PFDN4: variants seen among roughly 807,000 people sequenced by gnomAD.
PFDN4 encodes prefoldin 4.
In PFDN4, 6 loss-of-function variants were observed where a neutral mutation model predicts 17.6. That is an observed-to-expected ratio of 0.34 (90% CI 0.19 to 0.67). The LOEUF is 0.67. Ranked by LOEUF, PFDN4 falls within the 30% of genes least tolerant of loss-of-function variation. PFDN4 has a pLI of 0.68. For synonymous variants in PFDN4, 48 were observed against 51.1 expected, an observed-to-expected ratio of 0.94 and a Z score of 0.26; for missense variants, 119 against 158.4, an observed-to-expected ratio of 0.75 and a Z score of 1.33.
At chr20:54,211,525 G>A (rs538570663) in intron 1 of PFDN4, among the ~76,000 whole-genome samples, 1 of 152,306 alleles carries the variant, frequency 6.6e-6, no homozygotes, top group Admixed American at 6.5e-5. Context: ...AACCCTATAA[G>A]GTAGGAACTA....
Position 54,219,417 on chromosome 20 carries a change from AT to A in PFDN4, c.*268del, listed in dbSNP as rs1441613524. 8.2e-6 allele frequency: 3 copies of A among 365,314 alleles called. No individual in the cohort carries two copies. The highest frequency in any genetic ancestry group is 1.4e-5 in the Non-Finnish European group (3 of 209,812). 22.6% of individuals were successfully genotyped at this position (365,314 alleles called of 1,614,324 possible). The stretch of plus-strand genomic sequence containing the variant: ...ATTAAAATCAGTTAAGCAATCTTTT[AT>A]GTTTCTATATTATTTAGAATATTTG... On this transcript the variant is annotated 3_prime_UTR_variant, in exon 4 of 4. Coordinates refer to ENST00000371419, the MANE Select transcript of PFDN4 (RefSeq NM_002623.4).
chr20:54,208,672 C>G (rs1420160068), intron 1 of PFDN4: 1 of 152,640 alleles, frequency 6.6e-6, no homozygotes, highest in Non-Finnish European at 1.5e-5. Flanking sequence ...GACCCTGTGT[C>G]CAACCTGGAG....
chr20:54,218,152 C>G (rs1475312501), intron 3 of PFDN4, among the ~76,000 whole-genome samples: 1 of 145,952 alleles, frequency 6.9e-6, no homozygotes, highest in Non-Finnish European at 1.5e-5. Flanking sequence ...TTGTTTTGAT[C>G]CTAGCCAGGA....
chr20:54,214,305 T>TA, intron 1 of PFDN4, 46 bp from the exon 2 acceptor site: 1 of 985,888 alleles, frequency 1.0e-6, no homozygotes, highest in Non-Finnish European at 1.6e-6. Context: ...AGCTAACTGA[T>TA]AACTTCTCCG....
chr20:54,219,665 T>G lies in PFDN4; in HGVS notation c.*515T>G, dbSNP rs976055691. On this transcript the variant is annotated 3_prime_UTR_variant, in exon 4 of 4. Coordinates refer to ENST00000371419, the MANE Select transcript of PFDN4 (RefSeq NM_002623.4). ...TATATTTAAACATACATATTTAACA[T>G]TTTTTACATATCTATCAATATCAGA... 7.5e-4 allele frequency: 300 copies of G among 397,800 alleles called. 1 individual carries two copies. In the Middle Eastern group the frequency reaches 0.01, roughly 13 times the overall value. The allele number at this position is 397,800 out of a possible 1,614,324, so 24.6% of individuals were successfully genotyped here.
At chr20:54,213,248 G>T (rs1254522178) in intron 1 of PFDN4, among the ~76,000 whole-genome samples, 1 of 152,176 alleles carries the variant, frequency 6.6e-6, no homozygotes, top group African/African-American at 2.4e-5. Flanking sequence ...CTAGAATCAG[G>T]TGCTCTGGTT....
intron 3 of PFDN4, 49 bp downstream of exon 3, chr20:54,215,489 A>T (rs2092761393): frequency 8.2e-7 from 1 of 1,217,830 alleles, no homozygotes; most frequent in East Asian, 2.5e-5. Flanking sequence ...ACTATAAAGA[A>T]CATGTAATTA....
chr20:54,212,417 C>G (rs1156725713), intron 1 of PFDN4, among the ~76,000 whole-genome samples: 1 of 152,178 alleles, frequency 6.6e-6, no homozygotes, highest in Admixed American at 6.5e-5. Context: ...CTGTAAAGAT[C>G]TGGATACCAG....
At chr20:54,217,871 C>G (rs987648697) in intron 3 of PFDN4, among the ~76,000 whole-genome samples, 4 of 152,132 alleles carry the variant, frequency 2.6e-5, no homozygotes, top group African/African-American at 9.7e-5. Flanking sequence ...GAATCACAGT[C>G]ACCACAGGGC....
In PFDN4 at chr20:54,214,490, T is replaced by G. The variant is rs57614890; in HGVS notation, c.132+32T>G. The G allele has an allele frequency of 1.4e-3, 1,420 of 1,003,298 alleles. 4 individuals are homozygous for G. Among genetic ancestry groups the G allele is most frequent in the African/African-American group, 9.6e-3 (587 of 61,096 alleles). The allele number at this position is 1,003,298 out of a possible 1,614,324, so 62.1% of individuals were successfully genotyped here. ...AAAATAATTATTAGAAGAATAAAAT[T>G]TTTTTATACTATAGCTACTAAAACT... is the stretch of plus-strand genomic sequence containing the variant. On this transcript the variant is annotated intron_variant, in intron 2 of 3. Coordinates refer to ENST00000371419, the MANE Select transcript of PFDN4 (RefSeq NM_002623.4).
intron 1 of PFDN4, chr20:54,208,564 G>A (rs994950686): frequency 1.8e-5 from 3 of 162,478 alleles, no homozygotes; most frequent in African/African-American, 7.2e-5. Context: ...TACGGGTGAG[G>A]AAACTGAGGC....
rs2071448475 is a variant in PFDN4 at position 54,215,325 on chromosome 20, C to T, written c.158C>T (p.Ala53Val). Residue 53 changes from alanine (A) to valine (V), a missense_variant, in exon 3 of 4, where the codon GCT becomes GTT. Physicochemically the swap from Ala to Val is moderately conservative, Grantham distance 64. Around this residue, in one of 3 missense-constraint regions of PFDN4, gnomAD observed 81 missense variants for 111.7 expected, o/e 0.73. Transcript: ENST00000371419. ...KKKQLQNLED[A>V]CDDIMLADDD... The stretch of plus-strand genomic sequence containing the variant: ...AAACAACTCCAAAACCTAGAAGATG[C>T]TTGTGATGACATCATGCTTGCAGAT... The T allele has an allele frequency of 1.3e-6, 2 of 1,591,944 alleles. No homozygotes were observed. Among genetic ancestry groups the T allele is most frequent in the Admixed American group, 1.7e-5 (1 of 58,718 alleles).
intron 3 of PFDN4, among the ~76,000 whole-genome samples, chr20:54,216,247 C>A (rs1350063884): frequency 6.6e-6 from 1 of 152,136 alleles, no homozygotes; most frequent in African/African-American, 2.4e-5. Context: ...AGTTCACATG[C>A]CTTCTTACTA....
chr20:54,218,922 G>C (rs773776403), intron 3 of PFDN4, 97 bp from the exon 4 acceptor site: 1 of 766,136 alleles, frequency 1.3e-6, no homozygotes, highest in Non-Finnish European at 2.1e-6. Context: ...AGTTTAGAAG[G>C]TTCTTGACCT....
At chr20:54,218,394 G>A (rs1244053405) in intron 3 of PFDN4, among the ~76,000 whole-genome samples, 1 of 151,906 alleles carries the variant, frequency 6.6e-6, no homozygotes, top group Non-Finnish European at 1.5e-5. Flanking sequence ...AAAACGGGAT[G>A]TTATAATTTA....
chr20:54,215,242 C>T, intron 2 of PFDN4, 58 bp from the exon 3 acceptor site: 6 of 1,338,060 alleles, frequency 4.5e-6, no homozygotes, highest in Admixed American at 2.1e-5. Flanking sequence ...TTACAATTGG[C>T]CTTTAGCTTC....
chr20:54,219,140 A>G lies in PFDN4; in HGVS notation c.395A>G (p.Asp132Gly), dbSNP rs768099253. ...GGGAGCAACATAAACCTTGAAGCTG[A>G]TGAAAGTTAAACATTTTATAATACT... is the stretch of plus-strand genomic sequence containing the variant. ...KFGSNINLEA[D>G]ES Residue 132 changes from aspartate (D) to glycine (G), a missense_variant, in exon 4 of 4, where the codon GAT becomes GGT. By Grantham distance (94) the Asp-to-Gly change is moderately conservative. Transcript: ENST00000371419. The G allele has an allele frequency of 6.6e-7, 1 of 1,518,014 alleles. No homozygotes were observed. Among genetic ancestry groups the G allele is most frequent in the Non-Finnish European group, 8.9e-7 (1 of 1,128,402 alleles). The allele number at this position is 1,518,014 out of a possible 1,614,324, so 94.0% of individuals were successfully genotyped here. A position where few individuals can be genotyped will look rare whatever the true frequency, so the allele number is the denominator to read the frequency against.
At chr20:54,216,149 ATAAT>A (rs1384153764) in intron 3 of PFDN4, among the ~76,000 whole-genome samples, 1 of 152,104 alleles carries the variant, frequency 6.6e-6, no homozygotes, top group African/African-American at 2.4e-5. Context: ...TTTTGAGGAA[ATAAT>A]TAGAGAAATA....
intron 3 of PFDN4, among the ~76,000 whole-genome samples, chr20:54,217,913 CA>C (rs1433529725): frequency 6.6e-6 from 1 of 152,174 alleles, no homozygotes; most frequent in Non-Finnish European, 1.5e-5. Flanking sequence ...GGGCCCGACC[CA>C]AAGACGATCT....
Sources: allele counts gnomAD v4.1 joint callset (sites outside exome capture counted in the v4.1 genomes callset), GRCh38; gene constraint gnomAD v4.1.1; regional missense constraint gnomAD v4.1.1; transcripts MANE v1.5; gene names NCBI Gene and HGNC (gene_info 2026-07-23, HGNC 2026-07-21).